AIG1: variants seen among roughly 807,000 people sequenced by gnomAD.
AIG1 encodes the protein androgen induced 1, also known as androgen-induced gene 1 protein.
Under a neutral mutation model 31.4 loss-of-function variants are expected in AIG1, and 23 were observed. The observed-to-expected ratio is 0.73, with a 90% CI of 0.53 to 1.04. AIG1 has a LOEUF of 1.04. AIG1 is among the 50% of genes least tolerant of loss of function. The pLI, the probability that AIG1 is intolerant of heterozygous loss-of-function variation, is 0.00. For synonymous variants in AIG1, 100 were observed against 110.5 expected, an observed-to-expected ratio of 0.90 and a Z score of 0.60; for missense variants, 274 against 295.0, an observed-to-expected ratio of 0.93 and a Z score of 0.52.
Position 143,292,877 on chromosome 6 carries a change from C to A in AIG1, c.515+8652C>A, listed in dbSNP as rs948357860. Among the ~76,000 whole-genome samples, 2 of 152,208 alleles carry A rather than the reference C, an allele frequency of 1.3e-5. No individual in the cohort carries two copies. The highest frequency in any genetic ancestry group is 4.8e-5 in the African/African-American group (2 of 41,442). Reference sequence around the variant, plus strand: ...TGTTTATACGCTAGGAATACTCCATCCTAAGAGAGCCTCAGCTTAGTTCTT... The same window carrying A: ...TGTTTATACGCTAGGAATACTCCATACTAAGAGAGCCTCAGCTTAGTTCTT... On this transcript the variant is annotated intron_variant, in intron 4 of 5. Coordinates refer to ENST00000357847, the MANE Select transcript of AIG1 (RefSeq NM_016108.4). The surrounding 1 kb of genome is among the most constrained non-coding windows in gnomAD (Gnocchi z 4.9).
intron 1 of AIG1, among the ~76,000 whole-genome samples, chr6:143,103,880 T>A (rs572825606): frequency 0.011 from 1,697 of 152,264 alleles, 33 homozygotes; most frequent in African/African-American, 0.038. Flanking sequence ...TTGAAGAGGT[T>A]TGGTCACTGG....
rs115429075 is a variant in AIG1, at chr6:143,312,181, G to A, written c.516-21101G>A. On this transcript the variant is annotated intron_variant, in intron 4 of 5. Coordinates refer to ENST00000357847, the MANE Select transcript of AIG1 (RefSeq NM_016108.4). ...TTCAATCCCTATCAAAATACCAATGGCATTCTTTACATAAATAGAAAAAAG... is the reference window on the plus strand; with the variant it reads ...TTCAATCCCTATCAAAATACCAATGACATTCTTTACATAAATAGAAAAAAG... Among the ~76,000 whole-genome samples the A allele has an allele frequency of 4.8e-3, 728 of 151,984 alleles. 2 individuals are homozygous for A. The highest frequency in any genetic ancestry group is 0.017 in the African/African-American group (692 of 41,492).
intron 2 of AIG1, among the ~76,000 whole-genome samples, chr6:143,140,910 G>A (rs1194597730): frequency 1.3e-5 from 2 of 152,202 alleles, no homozygotes; most frequent in Non-Finnish European, 2.9e-5. Flanking sequence ...TCAGCTTTGA[G>A]TCCTCCTGCA....
At position 143,325,581 on chromosome 6, in the gene AIG1, A is replaced by T. The variant is rs1776543554; in HGVS notation, c.516-7701A>T. 6.6e-6 allele frequency among the ~76,000 whole-genome samples: 1 copy of T among 152,206 alleles called. No individual in the cohort carries two copies. Among genetic ancestry groups the T allele is most frequent in the Admixed American group, 6.5e-5 (1 of 15,276 alleles). On this transcript the variant is annotated intron_variant, in intron 4 of 5. Transcript: ENST00000357847. The surrounding 1 kb of genome is among the most constrained non-coding windows in gnomAD (Gnocchi z 4.3). ...AAATGGCAGCTGTTTCCACCCTGCT[A>T]ATCAAGCCAGGAATCTGTGATTAAT...
intron 3 of AIG1, among the ~76,000 whole-genome samples, chr6:143,202,456 A>T (rs1292589701): frequency 6.6e-6 from 1 of 152,174 alleles, no homozygotes; most frequent in Non-Finnish European, 1.5e-5. Context: ...GTTTGGTTTG[A>T]ATTATAAGAC....
At chr6:143,183,847 G>C (rs950975620) in intron 3 of AIG1, among the ~76,000 whole-genome samples, 6 of 152,140 alleles carry the variant, frequency 3.9e-5, no homozygotes, top group Non-Finnish European at 8.8e-5. Context: ...AAGGCAGGAA[G>C]GTACTGTTCT....
intron 3 of AIG1, among the ~76,000 whole-genome samples, chr6:143,176,514 C>G (rs2128579784): frequency 6.6e-6 from 1 of 151,730 alleles, no homozygotes; most frequent in Middle Eastern, 3.4e-3. Context: ...TTCGGCAGGG[C>G]TTGCTCCAGC....
chr6:143,078,503 A>T (rs1393503706), intron 1 of AIG1, among the ~76,000 whole-genome samples: 1 of 152,182 alleles, frequency 6.6e-6, no homozygotes, highest in Non-Finnish European at 1.5e-5. Context: ...GACATATTCG[A>T]GACTCGGTAA....
At chr6:143,112,427 G>A (rs1363685059) in intron 1 of AIG1, among the ~76,000 whole-genome samples, 2 of 152,056 alleles carry the variant, frequency 1.3e-5, no homozygotes, top group Admixed American at 1.3e-4. Context: ...TTTCAAAGGC[G>A]AAAAACACAT....
At chr6:143,316,108 C>G (rs1412851926) in intron 4 of AIG1, among the ~76,000 whole-genome samples, 3 of 152,020 alleles carry the variant, frequency 2.0e-5, no homozygotes, top group East Asian at 3.9e-4. Flanking sequence ...TTGGCCATTA[C>G]CCCCAAAAAA....
At chr6:143,295,055 A>G (rs1346483029) in intron 4 of AIG1, among the ~76,000 whole-genome samples, 2 of 152,188 alleles carry the variant, frequency 1.3e-5, no homozygotes, top group Non-Finnish European at 2.9e-5. Context: ...ATGCCATGCC[A>G]GATGTCTGCA....
chr6:143,274,699 C>G (rs771059289), intron 3 of AIG1, among the ~76,000 whole-genome samples: 2 of 150,940 alleles, frequency 1.3e-5, no homozygotes, highest in Admixed American at 1.3e-4. Flanking sequence ...AATGAACAAA[C>G]GAGCATGGGA....
At chr6:143,080,506 G>C (rs1318211386) in intron 1 of AIG1, among the ~76,000 whole-genome samples, 1 of 152,054 alleles carries the variant, frequency 6.6e-6, no homozygotes, top group African/African-American at 2.4e-5. Context: ...CGATACAATA[G>C]GGCATCAATA....
chr6:143,075,536 G>A (rs984879886), intron 1 of AIG1, among the ~76,000 whole-genome samples: 2 of 152,020 alleles, frequency 1.3e-5, no homozygotes, highest in Admixed American at 6.6e-5. Flanking sequence ...GAACTCCTAG[G>A]CTCAAGCAAT....
At chr6:143,251,099 C>A in intron 3 of AIG1, among the ~76,000 whole-genome samples, 1 of 152,218 alleles carries the variant, frequency 6.6e-6, no homozygotes, top group East Asian at 1.9e-4. Flanking sequence ...GTCACCCAGG[C>A]TGGAGTGCAG....
chr6:143,066,939 G>T (rs1389187775), intron 1 of AIG1, among the ~76,000 whole-genome samples: 1 of 152,184 alleles, frequency 6.6e-6, no homozygotes, highest in Non-Finnish European at 1.5e-5. Context: ...GGAGGCCATG[G>T]TAGGAGGCTT....
Position 143,102,455 on chromosome 6 carries a change from G to GATAT in AIG1, c.142-34366_142-34363dup, listed in dbSNP as rs371528173. 1.1e-3 allele frequency among the ~76,000 whole-genome samples: 158 copies of GATAT among 141,470 alleles called. 1 individual carries two copies. The highest frequency in any genetic ancestry group is 3.9e-3 in the African/African-American group (150 of 38,854). 92.8% of individuals were successfully genotyped at this position (141,470 alleles called of 152,430 possible). ...AAATGCATTGTTCAGGGCCTCTTAG[G>GATAT]ATATATATATATATATAAAATATAA... On this transcript the variant is annotated intron_variant, in intron 1 of 5. Coordinates refer to ENST00000357847, the MANE Select transcript of AIG1 (RefSeq NM_016108.4).
At chr6:143,303,885 A>G (rs920813222) in intron 4 of AIG1, among the ~76,000 whole-genome samples, 3 of 147,580 alleles carry the variant, frequency 2.0e-5, no homozygotes, top group African/African-American at 5.0e-5. Context: ...ATTTGTTTGT[A>G]TCCTCTTTTA....
At chr6:143,172,362 T>G (rs181467533) in intron 3 of AIG1, among the ~76,000 whole-genome samples, 1 of 152,360 alleles carries the variant, frequency 6.6e-6, no homozygotes, top group East Asian at 1.9e-4. Flanking sequence ...ACATGGTGCA[T>G]CACATTTATT....
Sources: gnomAD v4.1 joint callset for allele counts (sites outside exome capture counted in the v4.1 genomes callset) on GRCh38, gnomAD v4.1.1 for gene constraint, Gnocchi (gnomAD v3.1) non-coding constraint, MANE v1.5 for transcripts, NCBI Gene and HGNC (gene_info 2026-07-23, HGNC 2026-07-21) for gene names.